AQP9: variants seen among roughly 807,000 people sequenced by gnomAD.
AQP9 encodes aquaporin-9.
AQP9 carries 19 observed loss-of-function variants against 23.8 expected under a neutral mutation model. That is an observed-to-expected ratio of 0.80 (90% CI 0.56 to 1.17). AQP9 has a LOEUF of 1.17. Among genes scored for constraint, AQP9 ranks in the 50% most tolerant of loss-of-function variants. The probability of loss-of-function intolerance (pLI) is 0.00; values close to 1 mark genes in which losing one functional copy is unlikely to be tolerated. For missense variants in AQP9, 413 were observed against 362.0 expected (o/e 1.14, Z -1.14); for synonymous variants, 153 against 131.5 (o/e 1.16, Z -1.12).
chr15:58,153,357 T>G (rs1898186825), intron 1 of AQP9: 1 of 152,156 alleles, frequency 6.6e-6, no homozygotes, highest in Non-Finnish European at 1.5e-5. Context: ...GCACTATAGT[T>G]GTACAGTTTT....
intron 1 of AQP9, chr15:58,152,923 A>C (rs1898177907): frequency 1.3e-5 from 2 of 152,208 alleles, no homozygotes; most frequent in South Asian, 4.1e-4. Context: ...TATGATATAT[A>C]AACTCAGACC....
At chr15:58,172,014 T>C (rs149796185) in intron 2 of AQP9, among the ~76,000 whole-genome samples, 1 of 152,356 alleles carries the variant, frequency 6.6e-6, no homozygotes, top group Non-Finnish European at 1.5e-5. Flanking sequence ...TGAGCCTATA[T>C]GCTCAGACAA....
At chr15:58,156,037 T>A (rs895185263) in intron 1 of AQP9, 4 of 152,160 alleles carry the variant, frequency 2.6e-5, no homozygotes, top group African/African-American at 9.7e-5. Context: ...ATTACCGCCC[T>A]AATTGAAAAC....
At position 58,173,158 on chromosome 15, in the gene AQP9, T is replaced by A. The variant is rs757863863; in HGVS notation, c.329T>A (p.Phe110Tyr). Residue 110 changes from phenylalanine (F) to tyrosine (Y), a missense_variant, in exon 3 of 6, where the codon TTC becomes TAC. Coordinates refer to ENST00000219919, the MANE Select transcript of AQP9 (RefSeq NM_020980.5). ...FKLPFYVGAQFLGAFVGAATV... is the reference protein window; with the variant it reads ...FKLPFYVGAQYLGAFVGAATV... ...TTGCCATTTTATGTGGGAGCCCAGT[T>A]CTTGGGAGCCTTTGTGGGGGCTGCA... 3.1e-6 allele frequency: 5 copies of A among 1,614,204 alleles called. No homozygotes were observed. Among genetic ancestry groups the A allele is most frequent in the Non-Finnish European group, 3.4e-6 (4 of 1,180,036 alleles).
At position 58,185,159 on chromosome 15, in the gene AQP9, G is replaced by A. The variant is rs544719773; in HGVS notation, c.*1024G>A. The A allele has an allele frequency of 4.6e-5, 7 of 152,134 alleles. No individual in the cohort carries two copies. The highest frequency in any genetic ancestry group is 4.6e-4 in the Admixed American group (7 of 15,264). The allele number at this position is 152,134 out of a possible 1,614,324, so 9.4% of individuals were successfully genotyped here. A position where few individuals can be genotyped will look rare whatever the true frequency, so the allele number is the denominator to read the frequency against. ...CATTATCTAATTTAATCCTCATAATGACTATGTGAGGCAAATGCCACATTG... is the reference window on the plus strand; with the variant it reads ...CATTATCTAATTTAATCCTCATAATAACTATGTGAGGCAAATGCCACATTG... On this transcript the variant is annotated 3_prime_UTR_variant, in exon 6 of 6. Coordinates refer to ENST00000219919, the MANE Select transcript of AQP9 (RefSeq NM_020980.5).
chr15:58,150,965 T>C (rs1364787314), intron 1 of AQP9: 6 of 152,184 alleles, frequency 3.9e-5, no homozygotes, highest in African/African-American at 1.2e-4. Flanking sequence ...CTGAATTGAA[T>C]TGGTAGATAG....
At chr15:58,179,406 G>C in intron 5 of AQP9, 61 bp downstream of exon 5, 2 of 1,457,950 alleles carry the variant, frequency 1.4e-6, no homozygotes, top group Non-Finnish European at 1.9e-6. Context: ...CAGTGGGGCG[G>C]GGCTTTGACA....
Position 58,157,542 on chromosome 15 carries a change from T to G in AQP9, c.112-9131T>G, listed in dbSNP as rs552275640. ...GTGCCACAGAAACCCATGTGGCTGT[T>G]GGGTGTGGCTCATCCGTGTGGAAAA... On this transcript the variant is annotated intron_variant, in intron 1 of 5. Coordinates refer to ENST00000219919, the MANE Select transcript of AQP9 (RefSeq NM_020980.5). Among the ~76,000 whole-genome samples, 70 of 152,264 alleles carry G rather than the reference T, an allele frequency of 4.6e-4. 2 individuals carry two copies. The South Asian group carries it at 0.014, about 30-fold the overall frequency.
At chr15:58,181,340 A>T (rs1898884657) in intron 5 of AQP9, among the ~76,000 whole-genome samples, 1 of 152,164 alleles carries the variant, frequency 6.6e-6, no homozygotes, top group Non-Finnish European at 1.5e-5. Flanking sequence ...TTGTGTTTAT[A>T]TTCTACTTAA....
chr15:58,182,762 A>C (rs541002167), intron 5 of AQP9, among the ~76,000 whole-genome samples: 5 of 152,294 alleles, frequency 3.3e-5, no homozygotes, highest in Non-Finnish European at 7.4e-5. Flanking sequence ...GCTCAGGCTC[A>C]GTGCTCTTCC....
At chr15:58,164,718 G>T (rs1159254409) in intron 1 of AQP9, among the ~76,000 whole-genome samples, 2 of 151,912 alleles carry the variant, frequency 1.3e-5, no homozygotes, top group African/African-American at 4.8e-5. Flanking sequence ...TTAGAACTGG[G>T]GACTAGAAGG....
intron 5 of AQP9, among the ~76,000 whole-genome samples, chr15:58,180,314 C>G (rs1482316814): frequency 6.6e-6 from 1 of 152,096 alleles, no homozygotes; most frequent in Non-Finnish European, 1.5e-5. Context: ...GTGAGTGTTC[C>G]CAAATGATGA....
chr15:58,160,675 T>G (rs1245378972), intron 1 of AQP9, among the ~76,000 whole-genome samples: 9 of 151,644 alleles, frequency 5.9e-5, no homozygotes, highest in Non-Finnish European at 8.8e-5. Flanking sequence ...TTATAGTTTT[T>G]GGGGGTGGGG....
intron 1 of AQP9, among the ~76,000 whole-genome samples, chr15:58,163,069 G>T (rs1898416177): frequency 6.6e-6 from 1 of 152,208 alleles, no homozygotes. Context: ...GGTGTTATGT[G>T]CAGAAAGGCA....
chr15:58,143,622 T>G (rs1197134621), intron 1 of AQP9, among the ~76,000 whole-genome samples: 1 of 152,226 alleles, frequency 6.6e-6, no homozygotes, highest in Non-Finnish European at 1.5e-5. Flanking sequence ...TATATTATAG[T>G]TTTATATGTT....
intron 1 of AQP9, chr15:58,150,854 C>T (rs1324461424): frequency 1.3e-5 from 2 of 152,162 alleles, no homozygotes; most frequent in Non-Finnish European, 2.9e-5. Context: ...GCCATGAGCC[C>T]TTCAAACAAA....
Position 58,185,590 on chromosome 15 carries a change from G to A in AQP9, c.*1455G>A, listed in dbSNP as rs1459535411. 1 of 152,200 alleles carries A rather than the reference G, an allele frequency of 6.6e-6. No individual in the cohort carries two copies. The highest frequency in any genetic ancestry group is 1.9e-4 in the East Asian group (1 of 5,204). The allele number at this position is 152,200 out of a possible 1,614,324, so 9.4% of individuals were successfully genotyped here. On this transcript the variant is annotated 3_prime_UTR_variant, in exon 6 of 6. Coordinates refer to ENST00000219919, the MANE Select transcript of AQP9 (RefSeq NM_020980.5). ...CCAGCACCAAACATTACATTCAGGG[G>A]ATTTCCTCTGGCTCAGTCTTTTCCC...
At chr15:58,144,223 A>G (rs965591691) in intron 1 of AQP9, among the ~76,000 whole-genome samples, 2 of 152,178 alleles carry the variant, frequency 1.3e-5, no homozygotes, top group Non-Finnish European at 2.9e-5. Context: ...CCATACATTA[A>G]GGTATTTTGT....
Position 58,183,816 on chromosome 15 carries a change from G to C in AQP9, c.714-145G>C, listed in dbSNP as rs1352033581. ...AGTCAAGGATGGCAGTTGCCATGCT[G>C]CACTGAGCCCCCCTTATACTTAGCT... On this transcript the variant is annotated intron_variant, in intron 5 of 5. Coordinates refer to ENST00000219919, the MANE Select transcript of AQP9 (RefSeq NM_020980.5). The C allele has an allele frequency of 2.1e-5, 17 of 809,910 alleles. No homozygotes were observed. In the Admixed American group the frequency reaches 4.1e-4, roughly 20 times the overall value. 50.2% of individuals were successfully genotyped at this position (809,910 alleles called of 1,614,324 possible).
Sources: gnomAD v4.1 joint callset for allele counts (sites outside exome capture counted in the v4.1 genomes callset) on GRCh38, gnomAD v4.1.1 for gene constraint, MANE v1.5 for transcripts, NCBI Gene and HGNC (gene_info 2026-07-23, HGNC 2026-07-21) for gene names.